The following LUZP2 variants were observed in gnomAD, a reference collection of about 807,000 sequenced individuals.
The protein encoded by LUZP2 is leucine zipper protein 2.
A neutral mutation model predicts 51.6 loss-of-function variants in LUZP2; 52 were observed. The observed-to-expected ratio is 1.01, with a 90% confidence interval of 0.81 to 1.27. The LOEUF is 1.27. Ranked by LOEUF, LUZP2 falls within the 50% of genes most tolerant of loss-of-function variation. The pLI, the probability that LUZP2 is intolerant of heterozygous loss-of-function variation, is 0.00. For missense variants in LUZP2, 436 were observed against 395.4 expected (o/e 1.10, Z -0.87); for synonymous variants, 154 against 137.3 (o/e 1.12, Z -0.85).
intron 5 of LUZP2, among the ~76,000 whole-genome samples, chr11:24,823,872 G>A (rs1167778637): frequency 6.6e-6 from 1 of 151,840 alleles, no homozygotes; most frequent in African/African-American, 2.4e-5. Flanking sequence ...GACCATCCTG[G>A]CTAACATGGT....
intron 1 of LUZP2, among the ~76,000 whole-genome samples, chr11:24,562,155 C>T (rs1012486026): frequency 7.2e-5 from 11 of 152,084 alleles, no homozygotes; most frequent in African/African-American, 2.4e-4. Context: ...CACAGAGTAA[C>T]AGAGTAGGTA....
intron 4 of LUZP2, among the ~76,000 whole-genome samples, chr11:24,744,550 G>T (rs1484135948): frequency 6.6e-6 from 1 of 152,018 alleles, no homozygotes; most frequent in Non-Finnish European, 1.5e-5. Flanking sequence ...GGTGTCAGTT[G>T]TAATATCTCC....
At chr11:24,710,827 A>G (rs1308627622) in intron 1 of LUZP2, among the ~76,000 whole-genome samples, 3 of 152,042 alleles carry the variant, frequency 2.0e-5, no homozygotes, top group Non-Finnish European at 4.4e-5. Context: ...AGTCAGGTAC[A>G]ATGTTTTAGT....
intron 1 of LUZP2, among the ~76,000 whole-genome samples, chr11:24,618,352 G>A (rs562889282): frequency 1.4e-3 from 214 of 152,230 alleles, no homozygotes; most frequent in Admixed American, 2.0e-3. Flanking sequence ...TCCCTACTTA[G>A]CCTTCTCTTA....
intron 5 of LUZP2, among the ~76,000 whole-genome samples, chr11:24,823,512 T>C (rs1850424067): frequency 6.6e-6 from 1 of 151,964 alleles, no homozygotes; most frequent in Non-Finnish European, 1.5e-5. Flanking sequence ...TGTATTATAA[T>C]CAGATTTACA....
chr11:25,080,829 A>G lies in LUZP2; in HGVS notation c.*2171A>G, dbSNP rs1270804791. On this transcript the variant is annotated 3_prime_UTR_variant, in exon 12 of 12. Transcript: ENST00000336930. ...AATCTAGCACAGCATGTTTTGAAGC[A>G]TCTTTGGAATGAAAAAAAAGAAGAA... 1 of 152,060 alleles carries G rather than the reference A, an allele frequency of 6.6e-6. No individual in the cohort carries two copies. Among genetic ancestry groups the G allele is most frequent in the Non-Finnish European group, 1.5e-5 (1 of 68,016 alleles). 9.4% of individuals were successfully genotyped at this position (152,060 alleles called of 1,614,324 possible).
intron 1 of LUZP2, among the ~76,000 whole-genome samples, chr11:24,670,986 A>G (rs1856384560): frequency 6.6e-6 from 1 of 151,744 alleles, no homozygotes; most frequent in Admixed American, 6.6e-5. Flanking sequence ...CTCTCTCATT[A>G]TTATTCTTTC....
At chr11:24,646,502 G>A (rs1445217756) in intron 1 of LUZP2, 3 of 720,964 alleles carry the variant, frequency 4.2e-6, no homozygotes, top group African/African-American at 1.9e-5. Flanking sequence ...TTACCTTATT[G>A]GAATTTACAG....
At position 25,037,936 on chromosome 11, in the gene LUZP2, C is replaced by G. The variant is rs75046618; in HGVS notation, c.766-12102C>G. Among the ~76,000 whole-genome samples the G allele has an allele frequency of 1.2e-4, 18 of 152,060 alleles. No individual in the cohort carries two copies. The East Asian group carries it at 3.5e-3, about 29-fold the overall frequency. On this transcript the variant is annotated intron_variant, in intron 9 of 11. Transcript: ENST00000336930. ...TTGGTGAAATCTGATAACTACATGC[C>G]TTGGGGATAGTCCACTTGTATGGTC...
intron 4 of LUZP2, among the ~76,000 whole-genome samples, chr11:24,739,310 A>G (rs888278811): frequency 6.6e-6 from 1 of 151,986 alleles, no homozygotes; most frequent in African/African-American, 2.4e-5. Flanking sequence ...AGCTGTCCTG[A>G]CTTATAACCT....
At chr11:25,030,346 G>A (rs578249240) in intron 9 of LUZP2, among the ~76,000 whole-genome samples, 13 of 152,058 alleles carry the variant, frequency 8.5e-5, no homozygotes, top group African/African-American at 2.7e-4. Context: ...TTCTCCTATT[G>A]ATAGAAAGGA....
chr11:24,725,455 G>A (rs1858439392), intron 1 of LUZP2, among the ~76,000 whole-genome samples: 1 of 151,768 alleles, frequency 6.6e-6, no homozygotes, highest in Non-Finnish European at 1.5e-5. Flanking sequence ...AATCAATTGG[G>A]TAGTTTAGTA....
intron 5 of LUZP2, among the ~76,000 whole-genome samples, chr11:24,894,618 T>G (rs1852976161): frequency 6.6e-6 from 1 of 150,544 alleles, no homozygotes; most frequent in Non-Finnish European, 1.5e-5. Flanking sequence ...CTCCCCTATC[T>G]AATAGTCCCT....
In LUZP2 at chr11:24,550,406, G is replaced by A. The variant is rs1564985212; in HGVS notation, c.62+53101G>A. Among the ~76,000 whole-genome samples, 4 of 152,070 alleles carry A rather than the reference G, an allele frequency of 2.6e-5. No individual in the cohort carries two copies. In the South Asian group the frequency reaches 6.2e-4, roughly 24 times the overall value. On this transcript the variant is annotated intron_variant, in intron 1 of 11. Transcript: ENST00000336930. ...AAGAAAGACTTATTCTGTTAGCTGG[G>A]TTGGTTGTTAGAACTGCTTAACAAA... is the stretch of plus-strand genomic sequence containing the variant.
intron 1 of LUZP2, among the ~76,000 whole-genome samples, chr11:24,533,683 C>G (rs1851082826): frequency 6.6e-6 from 1 of 151,192 alleles, no homozygotes; most frequent in East Asian, 1.9e-4. Flanking sequence ...TTTCAAGAAT[C>G]TCTTTTAATA....
intron 10 of LUZP2, among the ~76,000 whole-genome samples, chr11:25,076,942 G>T (rs1859324653): frequency 6.6e-6 from 1 of 152,052 alleles, no homozygotes; most frequent in Non-Finnish European, 1.5e-5. Flanking sequence ...TTCCTAGCTT[G>T]CAATATTGAT....
chr11:24,746,533 C>T (rs1232136892), intron 4 of LUZP2, among the ~76,000 whole-genome samples: 3 of 152,018 alleles, frequency 2.0e-5, no homozygotes, highest in East Asian at 1.9e-4. Flanking sequence ...TGTGTGTAGT[C>T]GATGATCTTT....
chr11:24,514,606 C>A (rs2133784557), intron 1 of LUZP2, among the ~76,000 whole-genome samples: 1 of 152,272 alleles, frequency 6.6e-6, no homozygotes, highest in Middle Eastern at 3.4e-3. Flanking sequence ...ACAGAACCAA[C>A]TGAATGGATG....
At chr11:24,549,447 A>G (rs1365407099) in intron 1 of LUZP2, among the ~76,000 whole-genome samples, 1 of 152,124 alleles carries the variant, frequency 6.6e-6, no homozygotes, top group African/African-American at 2.4e-5. Context: ...TTTTTTAAAA[A>G]TAAGTCTACG....
Sources: gnomAD v4.1 joint callset for allele counts (sites outside exome capture counted in the v4.1 genomes callset) on GRCh38, gnomAD v4.1.1 for gene constraint, MANE v1.5 for transcripts, NCBI Gene and HGNC (gene_info 2026-07-23, HGNC 2026-07-21) for gene names.